Variants in HELZ observed in about 807,000 individuals in gnomAD.
HELZ encodes the protein helicase with zinc finger.
Under a neutral mutation model 218.2 loss-of-function variants are expected in HELZ, and 23 were observed. The ratio of observed to expected loss-of-function variants is 0.11; its 90% CI spans 0.08 to 0.15. HELZ has a LOEUF of 0.15. Among genes scored for constraint, HELZ ranks in the 10% least tolerant of loss-of-function variants. The pLI is 1.00. For missense variants in HELZ, 1,813 were observed against 2,353.7 expected, an observed-to-expected ratio of 0.77 and a Z score of 4.75; for synonymous variants, 814 against 829.4, an observed-to-expected ratio of 0.98 and a Z score of 0.32.
intron 12 of HELZ, among the ~76,000 whole-genome samples, chr17:67,182,439 A>G (rs2144248814): frequency 6.6e-6 from 1 of 152,240 alleles, no homozygotes; most frequent in East Asian, 1.9e-4. Flanking sequence ...AGCAAGACTC[A>G]GTATCAAAAA....
intron 13 of HELZ, among the ~76,000 whole-genome samples, chr17:67,175,299 G>A (rs555367674): frequency 6.6e-6 from 1 of 152,094 alleles, no homozygotes; most frequent in Non-Finnish European, 1.5e-5. Context: ...TTTATTATCT[G>A]ACCCTTTACA....
intron 8 of HELZ, among the ~76,000 whole-genome samples, chr17:67,195,086 A>G (rs535961182): frequency 2.6e-5 from 4 of 152,206 alleles, no homozygotes; most frequent in Non-Finnish European, 4.4e-5. Flanking sequence ...CCAAAAAGTA[A>G]TAACTGTACT....
intron 3 of HELZ, chr17:67,224,793 A>C: frequency 8.5e-7 from 1 of 1,176,860 alleles, no homozygotes; most frequent in Non-Finnish European, 1.2e-6. Flanking sequence ...AACCCCACAA[A>C]ACGACACAGT....
intron 3 of HELZ, among the ~76,000 whole-genome samples, chr17:67,233,101 T>G (rs757209674): frequency 6.6e-6 from 1 of 152,236 alleles, no homozygotes; most frequent in Non-Finnish European, 1.5e-5. Flanking sequence ...GCCATTGCAC[T>G]CCAGCTTAGG....
In HELZ at chr17:67,178,932, T is replaced by A; in HGVS notation, c.1163-6A>T. The A allele has an allele frequency of 1.3e-6, 2 of 1,567,446 alleles. No individual in the cohort carries two copies. The highest frequency in any genetic ancestry group is 1.9e-5 in the Admixed American group (1 of 52,072). On this transcript the variant is annotated splice_region_variant and splice_polypyrimidine_tract_variant and intron_variant, in intron 12 of 32. Transcript: ENST00000358691. The stretch of plus-strand genomic sequence containing the variant: ...ATGCATCAGGTATTCGAGATCTAAA[T>A]GGAAACAAAAAACACATTTATAAAG...
chr17:67,165,487 G>A (rs1022535016), intron 15 of HELZ, among the ~76,000 whole-genome samples: 4 of 152,052 alleles, frequency 2.6e-5, no homozygotes, highest in African/African-American at 9.7e-5. Flanking sequence ...CATTAGTCTT[G>A]GAAAGGGCCA....
At chr17:67,136,842 A>C in intron 22 of HELZ, among the ~76,000 whole-genome samples, 1 of 152,188 alleles carries the variant, frequency 6.6e-6, no homozygotes, top group East Asian at 1.9e-4. Flanking sequence ...GAAAGATCAA[A>C]AAAGTTCTGG....
rs2036049134 is a variant in HELZ, at chr17:67,077,513, T to G, written c.*739A>C. 1 of 152,102 alleles carries G rather than the reference T, an allele frequency of 6.6e-6. No individual in the cohort carries two copies. The highest frequency in any genetic ancestry group is 2.4e-5 in the African/African-American group (1 of 41,344). The allele number at this position is 152,102 out of a possible 1,614,324, so 9.4% of individuals were successfully genotyped here. On this transcript the variant is annotated 3_prime_UTR_variant, in exon 33 of 33. Coordinates refer to ENST00000358691, the MANE Select transcript of HELZ (RefSeq NM_014877.4). ...AAAAAAAAAAACACACACTATCAAA[T>G]TAACATTAAAAACAAGCTTGAAGTG...
chr17:67,194,057 G>A lies in HELZ; in HGVS notation c.482-15C>T. The A allele has an allele frequency of 1.9e-6, 3 of 1,582,040 alleles. No homozygotes were observed. The highest frequency in any genetic ancestry group is 1.1e-5 in the South Asian group (1 of 89,712). On this transcript the variant is annotated splice_polypyrimidine_tract_variant and intron_variant, in intron 8 of 32. Coordinates refer to ENST00000358691, the MANE Select transcript of HELZ (RefSeq NM_014877.4). Reference sequence around the variant, plus strand: ...ATTACAAGACCCTAGGGAGTAATTAGGATATAGTCTTATCATTTGAGGCTA... The same window carrying A: ...ATTACAAGACCCTAGGGAGTAATTAAGATATAGTCTTATCATTTGAGGCTA...
At chr17:67,121,122 G>C (rs1025350599) in intron 26 of HELZ, among the ~76,000 whole-genome samples, 2 of 152,044 alleles carry the variant, frequency 1.3e-5, no homozygotes, top group African/African-American at 4.8e-5. Context: ...ATTTATTATA[G>C]GTAAAATTCA....
rs1307761805 is a variant in HELZ at position 67,076,224 on chromosome 17, T to A, written c.*2028A>T. ...GATGGGAAAATTATTTTCCATAACA[T>A]CCTCACATCAGAGAGATCTAATTTT... On this transcript the variant is annotated 3_prime_UTR_variant, in exon 33 of 33. Coordinates refer to ENST00000358691, the MANE Select transcript of HELZ (RefSeq NM_014877.4). The A allele has an allele frequency of 6.6e-6, 1 of 152,230 alleles. No homozygotes were observed. The highest frequency in any genetic ancestry group is 1.9e-4 in the East Asian group (1 of 5,200). 9.4% of individuals were successfully genotyped at this position (152,230 alleles called of 1,614,324 possible). A position where few individuals can be genotyped will look rare whatever the true frequency, so the allele number is the denominator to read the frequency against.
intron 15 of HELZ, among the ~76,000 whole-genome samples, chr17:67,162,046 C>A (rs924794643): frequency 6.6e-6 from 1 of 152,186 alleles, no homozygotes; most frequent in Non-Finnish European, 1.5e-5. Flanking sequence ...CAGGAAAATT[C>A]TCTCTGTGAG....
At chr17:67,200,882 C>T in intron 7 of HELZ, 1 of 429,542 alleles carries the variant, frequency 2.3e-6, no homozygotes, top group Non-Finnish European at 4.2e-6. Context: ...TAATAAGATA[C>T]CAGTTCTGTC....
chr17:67,132,651 C>T (rs576738656), intron 23 of HELZ, among the ~76,000 whole-genome samples: 3 of 152,192 alleles, frequency 2.0e-5, no homozygotes, highest in Admixed American at 6.6e-5. Flanking sequence ...TAAACCAGCA[C>T]CTGGCTCAAA....
At chr17:67,209,409 C>T (rs1174971930) in intron 5 of HELZ, among the ~76,000 whole-genome samples, 1 of 151,990 alleles carries the variant, frequency 6.6e-6, no homozygotes, top group Admixed American at 6.5e-5. Flanking sequence ...ACCAGCCTGA[C>T]CAGCATGGTG....
At chr17:67,203,533 C>CT in intron 5 of HELZ, 90 bp from the exon 6 acceptor site, 1 of 1,459,610 alleles carries the variant, frequency 6.9e-7, no homozygotes, top group Non-Finnish European at 9.4e-7. Context: ...ACAAGCGTGG[C>CT]TTTTTATATG....
chr17:67,216,259 C>T (rs553339753), intron 4 of HELZ, among the ~76,000 whole-genome samples: 1 of 152,252 alleles, frequency 6.6e-6, no homozygotes, highest in South Asian at 2.1e-4. Context: ...AGACTGTCAC[C>T]ACCACGTCTC....
At chr17:67,158,637 T>TGAAAATTGC (rs2038910506) in intron 17 of HELZ, among the ~76,000 whole-genome samples, 2 of 152,292 alleles carry the variant, frequency 1.3e-5, no homozygotes, top group Middle Eastern at 3.4e-3. Flanking sequence ...CATTTGAATA[T>TGAAAATTGC]ATTTATAAAT....
At chr17:67,143,303 T>C (rs2038391127) in intron 21 of HELZ, among the ~76,000 whole-genome samples, 1 of 152,096 alleles carries the variant, frequency 6.6e-6, no homozygotes, top group South Asian at 2.1e-4. Flanking sequence ...AACTGAATTT[T>C]TCAAGGTTAA....
Sources: allele counts gnomAD v4.1 joint callset (sites outside exome capture counted in the v4.1 genomes callset), GRCh38; gene constraint gnomAD v4.1.1; transcripts MANE v1.5; gene names NCBI Gene and HGNC (gene_info 2026-07-23, HGNC 2026-07-21).